Variants in VEPH1 observed in about 807,000 individuals in gnomAD.
The protein encoded by VEPH1 is ventricular zone-expressed PH domain-containing protein homolog 1.
In VEPH1, 80 loss-of-function variants were observed where a neutral mutation model predicts 85.2. The observed-to-expected ratio is 0.94, with a 90% CI of 0.78 to 1.13. VEPH1 has a LOEUF of 1.13. Ranked by LOEUF, VEPH1 falls within the 50% of genes most tolerant of loss-of-function variation. The pLI is 0.00. For missense variants in VEPH1, 955 were observed against 980.5 expected (o/e 0.97, Z 0.35); for synonymous variants, 297 against 348.0 (o/e 0.85, Z 1.63).
chr3:157,302,419 G>C (rs762210941), intron 11 of VEPH1, among the ~76,000 whole-genome samples: 47 of 152,162 alleles, frequency 3.1e-4, no homozygotes, highest in Non-Finnish European at 6.0e-4. Flanking sequence ...GATACCATTG[G>C]GAGGGGAGGC....
chr3:157,309,715 C>T (rs1439797402), intron 11 of VEPH1, among the ~76,000 whole-genome samples: 1 of 151,704 alleles, frequency 6.6e-6, no homozygotes, highest in African/African-American at 2.4e-5. Context: ...CATTTTGATG[C>T]CTGTGTGAGA....
chr3:157,464,901 A>G (rs1050022373), intron 3 of VEPH1, among the ~76,000 whole-genome samples: 4 of 152,236 alleles, frequency 2.6e-5, no homozygotes, highest in African/African-American at 9.6e-5. Context: ...TTATTCATTC[A>G]CTATTATCAA....
At chr3:157,287,897 A>G (rs2108379828) in intron 11 of VEPH1, among the ~76,000 whole-genome samples, 1 of 152,292 alleles carries the variant, frequency 6.6e-6, no homozygotes, top group East Asian at 1.9e-4. Flanking sequence ...AATGCATTGA[A>G]TTATTTACCA....
At chr3:157,272,403 C>CTTTCTTTT (rs1714794285) in intron 12 of VEPH1, among the ~76,000 whole-genome samples, 1 of 132,890 alleles carries the variant, frequency 7.5e-6, no homozygotes, top group East Asian at 2.1e-4. Context: ...TTCTTTCTTT[C>CTTTCTTTT]TTTCTTTCTT....
In VEPH1 at chr3:157,442,237, G is replaced by A. The variant is rs369924164; in HGVS notation, c.530-13749C>T. ...GATTACAGTGGAAGCTTCTTAAGTC[G>A]TAATGTAGGGTTTCACATAGCTTTC... On this transcript the variant is annotated intron_variant, in intron 4 of 13. Coordinates refer to ENST00000362010, the MANE Select transcript of VEPH1 (RefSeq NM_001167912.2). 49 of 861,564 alleles carry A rather than the reference G, an allele frequency of 5.7e-5. No individual in the cohort carries two copies. In the East Asian group the frequency reaches 7.6e-4, roughly 13 times the overall value. The allele number at this position is 861,564 out of a possible 1,614,324, so 53.4% of individuals were successfully genotyped here. A position where few individuals can be genotyped will look rare whatever the true frequency, so the allele number is the denominator to read the frequency against.
intron 2 of VEPH1, among the ~76,000 whole-genome samples, chr3:157,482,043 T>C (rs1446999446): frequency 6.6e-6 from 1 of 152,232 alleles, no homozygotes; most frequent in South Asian, 2.1e-4. Flanking sequence ...TCTGTTTTTA[T>C]ACCAGTACCA....
chr3:157,422,911 A>G (rs188354929), intron 5 of VEPH1, among the ~76,000 whole-genome samples: 6 of 151,586 alleles, frequency 4.0e-5, no homozygotes, highest in African/African-American at 1.5e-4. Context: ...CCCTGCCTCA[A>G]TGATGCTGCC....
At position 157,495,507 on chromosome 3, in the gene VEPH1, C is replaced by T. The variant is rs1193104341; in HGVS notation, c.-157-1G>A. On this transcript the variant is annotated splice_acceptor_variant, in intron 1 of 13. Transcript: ENST00000362010. LOFTEE classifies it low-confidence loss of function (5UTR_SPLICE). ...ACTTTGAGGTCTTCATTGACACTCT[C>T]TGCAAGGGAAACAAATGACACAATG... The T allele has an allele frequency of 6.9e-7, 1 of 1,455,658 alleles. No homozygotes were observed. The highest frequency in any genetic ancestry group is 2.3e-5 in the East Asian group (1 of 42,728). The allele number at this position is 1,455,658 out of a possible 1,614,324, so 90.2% of individuals were successfully genotyped here.
At chr3:157,375,203 G>A (rs1727950646) in intron 7 of VEPH1, among the ~76,000 whole-genome samples, 2 of 152,222 alleles carry the variant, frequency 1.3e-5, no homozygotes, top group South Asian at 4.1e-4. Flanking sequence ...GGTAAGAGCT[G>A]GTTTAAAGCT....
At chr3:157,390,497 A>AT (rs1334245686) in intron 6 of VEPH1, among the ~76,000 whole-genome samples, 3 of 152,198 alleles carry the variant, frequency 2.0e-5, no homozygotes, top group East Asian at 3.8e-4. Flanking sequence ...ATTTGTGACC[A>AT]TTTTTTAAAA....
intron 2 of VEPH1, chr3:157,493,360 G>T: frequency 2.3e-6 from 1 of 442,514 alleles, no homozygotes; most frequent in Non-Finnish European, 4.6e-6. Flanking sequence ...GCCTAGAGAG[G>T]AATAGCTGGG....
At chr3:157,343,668 C>G (rs1284356292) in intron 9 of VEPH1, among the ~76,000 whole-genome samples, 1 of 152,216 alleles carries the variant, frequency 6.6e-6, no homozygotes. Context: ...TCTGCCCTAA[C>G]TCATTTTATG....
At position 157,413,869 on chromosome 3, in the gene VEPH1, A is replaced by T; in HGVS notation, c.906+12T>A. On this transcript the variant is annotated intron_variant, in intron 6 of 13. Transcript: ENST00000362010. ...CAATTCAGGGGAATGGAGAGAAAAA[A>T]GCCAAACTTACTTCATCCACATGCC... 6.2e-7 allele frequency: 1 copy of T among 1,611,948 alleles called. No homozygotes were observed. The highest frequency in any genetic ancestry group is 8.5e-7 in the Non-Finnish European group (1 of 1,178,536).
intron 10 of VEPH1, 111 bp from the exon 11 acceptor site, chr3:157,313,866 A>G: frequency 3.8e-6 from 5 of 1,300,254 alleles, no homozygotes; most frequent in Non-Finnish European, 5.3e-6. Context: ...AACATGATTT[A>G]ATTTTAAATG....
At position 157,409,618 on chromosome 3, in the gene VEPH1, T is replaced by G. The variant is rs982868802; in HGVS notation, c.906+4263A>C. On this transcript the variant is annotated intron_variant, in intron 6 of 13. Coordinates refer to ENST00000362010, the MANE Select transcript of VEPH1 (RefSeq NM_001167912.2). ...TTGTTTTATATATACAACTCTTCTC[T>G]GCCGAATGTAATATAGATGGAAAAA... 15 of 985,390 alleles carry G rather than the reference T, an allele frequency of 1.5e-5. No individual in the cohort carries two copies. The African/African-American group carries it at 2.6e-4, about 17-fold the overall frequency. The allele number at this position is 985,390 out of a possible 1,614,324, so 61.0% of individuals were successfully genotyped here. A position where few individuals can be genotyped will look rare whatever the true frequency, so the allele number is the denominator to read the frequency against.
rs1458263857 is a variant in VEPH1 at position 157,460,367 on chromosome 3, T to C, written c.355-12A>G. ...GGTCGGTTGTAATTCTGAGGAAATATAAGAAAGCCACAAATAATAAGTGAC... is the reference window on the plus strand; with the variant it reads ...GGTCGGTTGTAATTCTGAGGAAATACAAGAAAGCCACAAATAATAAGTGAC... On this transcript the variant is annotated splice_polypyrimidine_tract_variant and intron_variant, in intron 3 of 13. Coordinates refer to ENST00000362010, the MANE Select transcript of VEPH1 (RefSeq NM_001167912.2). The C allele has an allele frequency of 1.9e-6, 3 of 1,598,572 alleles. No individual in the cohort carries two copies. The highest frequency in any genetic ancestry group is 2.6e-6 in the Non-Finnish European group (3 of 1,172,402).
At chr3:157,320,572 G>A (rs62281383) in intron 9 of VEPH1, among the ~76,000 whole-genome samples, 2 of 151,956 alleles carry the variant, frequency 1.3e-5, no homozygotes, top group African/African-American at 4.8e-5. Context: ...ATGTTGAAGA[G>A]AGAAGTCATG....
chr3:157,442,595 C>G (rs748466924), intron 4 of VEPH1: 48 of 1,614,080 alleles, frequency 3.0e-5, no homozygotes, highest in Non-Finnish European at 3.9e-5. Flanking sequence ...GAGAGGAGAA[C>G]AAACTGGTTG....
At chr3:157,425,807 G>T (rs2109101895) in intron 5 of VEPH1, among the ~76,000 whole-genome samples, 1 of 152,278 alleles carries the variant, frequency 6.6e-6, no homozygotes, top group East Asian at 1.9e-4. Context: ...ATGAGATTTG[G>T]ATGGGCCAGG....
Sources: gnomAD v4.1 joint callset for allele counts (sites outside exome capture counted in the v4.1 genomes callset) on GRCh38, gnomAD v4.1.1 for gene constraint, MANE v1.5 for transcripts, NCBI Gene and HGNC (gene_info 2026-07-23, HGNC 2026-07-21) for gene names.